Variants in ULK4 observed in about 807,000 individuals in gnomAD.
ULK4 encodes the protein inactive serine/threonine-protein kinase ULK4.
In ULK4, 133 loss-of-function variants were observed where a neutral mutation model predicts 160.6. That is an observed-to-expected ratio of 0.83 (90% CI 0.72 to 0.96). The LOEUF (loss-of-function observed/expected upper bound fraction) is 0.96. ULK4 is among the 40% of genes least tolerant of loss of function. The pLI, the probability that ULK4 is intolerant of heterozygous loss-of-function variation, is 0.00. For synonymous variants in ULK4, 534 were observed against 539.8 expected (o/e 0.99, Z 0.15); for missense variants, 1,580 against 1,499.5 (o/e 1.05, Z -0.89).
intron 35 of ULK4, among the ~76,000 whole-genome samples, chr3:41,351,381 C>T (rs1575458296): frequency 6.6e-6 from 1 of 152,178 alleles, no homozygotes. Context: ...CAACAACATG[C>T]ACCTGATGGA....
chr3:41,498,871 AG>A (rs1575315211), intron 32 of ULK4, among the ~76,000 whole-genome samples: 1 of 152,196 alleles, frequency 6.6e-6, no homozygotes, highest in Non-Finnish European at 1.5e-5. Context: ...CTGGGATTAC[AG>A]GCGTGAGCCA....
At chr3:41,442,018 T>A (rs899975940) in intron 34 of ULK4, among the ~76,000 whole-genome samples, 1 of 152,222 alleles carries the variant, frequency 6.6e-6, no homozygotes, top group Non-Finnish European at 1.5e-5. Flanking sequence ...CCATGGTGCA[T>A]CTTCTTCCAT....
intron 35 of ULK4, among the ~76,000 whole-genome samples, chr3:41,397,393 C>T (rs577333593): frequency 6.6e-6 from 1 of 152,040 alleles, no homozygotes; most frequent in South Asian, 2.1e-4. Context: ...TAACTAACTA[C>T]ACATTGATTA....
chr3:41,265,775 C>G (rs910512525), intron 35 of ULK4, among the ~76,000 whole-genome samples: 2 of 152,164 alleles, frequency 1.3e-5, no homozygotes, highest in Non-Finnish European at 1.5e-5. Flanking sequence ...TTTGCGAAGC[C>G]TTTGAGAGTC....
At chr3:41,781,373 CG>C (rs2039835909) in intron 21 of ULK4, among the ~76,000 whole-genome samples, 1 of 148,206 alleles carries the variant, frequency 6.7e-6, no homozygotes, top group African/African-American at 2.5e-5. Context: ...GCCAAGATCG[CG>C]CCACCGCACT....
At chr3:41,590,292 G>A (rs546439050) in intron 31 of ULK4, among the ~76,000 whole-genome samples, 2 of 149,950 alleles carry the variant, frequency 1.3e-5, no homozygotes, top group South Asian at 2.2e-4. Context: ...ATGAGCCACC[G>A]CGCCCGGCCC....
At chr3:41,598,806 G>C (rs1050225030) in intron 31 of ULK4, among the ~76,000 whole-genome samples, 1 of 152,190 alleles carries the variant, frequency 6.6e-6, no homozygotes, top group Non-Finnish European at 1.5e-5. Context: ...TTATGTAAGT[G>C]TATTATTGCT....
At chr3:41,393,588 T>C (rs1471250170) in intron 35 of ULK4, among the ~76,000 whole-genome samples, 1 of 152,188 alleles carries the variant, frequency 6.6e-6, no homozygotes, top group African/African-American at 2.4e-5. Flanking sequence ...TAGCACTGAT[T>C]GGATTTTGCT....
intron 25 of ULK4, among the ~76,000 whole-genome samples, chr3:41,714,730 TAAG>T (rs1447840307): frequency 1.3e-5 from 2 of 151,908 alleles, no homozygotes; most frequent in African/African-American, 2.4e-5. Context: ...AATGCCATCA[TAAG>T]AAGAGACACT....
intron 31 of ULK4, among the ~76,000 whole-genome samples, chr3:41,585,119 T>G (rs1177036065): frequency 2.0e-5 from 3 of 152,164 alleles, no homozygotes; most frequent in African/African-American, 7.2e-5. Context: ...CAATGCAATC[T>G]CTATAAAAAT....
At chr3:41,483,052 A>T (rs566181326) in intron 32 of ULK4, among the ~76,000 whole-genome samples, 2 of 152,170 alleles carry the variant, frequency 1.3e-5, no homozygotes, top group Non-Finnish European at 2.9e-5. Context: ...TAAATATACA[A>T]TTTAATTAGT....
intron 34 of ULK4, among the ~76,000 whole-genome samples, chr3:41,438,979 A>T (rs568893836): frequency 1.5e-3 from 100 of 68,014 alleles, no homozygotes; most frequent in African/African-American, 9.8e-3. Flanking sequence ...AGGAAAATTT[A>T]AAAAAAAAAA....
intron 34 of ULK4, among the ~76,000 whole-genome samples, chr3:41,399,472 C>T (rs2082131681): frequency 1.3e-5 from 2 of 151,960 alleles, no homozygotes; most frequent in South Asian, 4.2e-4. Context: ...TTGATACTGT[C>T]CTTTGAAGTA....
chr3:41,431,547 C>CTTT (rs1553664758), intron 34 of ULK4, among the ~76,000 whole-genome samples: 15 of 95,868 alleles, frequency 1.6e-4, no homozygotes, highest in Admixed American at 6.6e-4. Context: ...AATTCCCTCC[C>CTTT]TTTTTTTTTT....
intron 35 of ULK4, among the ~76,000 whole-genome samples, chr3:41,310,822 G>A (rs1283896683): frequency 6.6e-6 from 1 of 152,044 alleles, no homozygotes; most frequent in Non-Finnish European, 1.5e-5. Context: ...GCAAAACTCT[G>A]TCTCTAGAAA....
At chr3:41,691,571 C>A (rs1187897234) in intron 27 of ULK4, among the ~76,000 whole-genome samples, 1 of 151,820 alleles carries the variant, frequency 6.6e-6, no homozygotes, top group East Asian at 1.9e-4. Context: ...AATACCTCCC[C>A]CAAAGATGGG....
chr3:41,706,904 G>T (rs931137219), intron 25 of ULK4, among the ~76,000 whole-genome samples: 22 of 147,992 alleles, frequency 1.5e-4, no homozygotes, highest in Admixed American at 6.7e-4. Context: ...TATATATAGA[G>T]AGAGAGAGAG....
At chr3:41,517,149 T>C (rs1021896719) in intron 32 of ULK4, among the ~76,000 whole-genome samples, 2 of 152,020 alleles carry the variant, frequency 1.3e-5, no homozygotes, top group Non-Finnish European at 2.9e-5. Context: ...CATTAGGGAA[T>C]TACAAATTAA....
chr3:41,842,459 G>A (rs1044763503), intron 17 of ULK4, among the ~76,000 whole-genome samples: 3 of 152,280 alleles, frequency 2.0e-5, no homozygotes, highest in East Asian at 1.9e-4. Context: ...AGTGTTGGAC[G>A]TGGGGCCTTG....
Sources: gnomAD v4.1 joint callset for allele counts (sites outside exome capture counted in the v4.1 genomes callset) on GRCh38, gnomAD v4.1.1 for gene constraint, MANE v1.5 for transcripts, NCBI Gene and HGNC (gene_info 2026-07-23, HGNC 2026-07-21) for gene names.